Variants in PTN observed in about 807,000 individuals in gnomAD.
PTN encodes heparin affin regulatory protein.
PTN carries 18 observed loss-of-function variants against 24.1 expected under a neutral mutation model. The ratio of observed to expected loss-of-function variants is 0.75; its 90% confidence interval spans 0.52 to 1.11. The LOEUF (loss-of-function observed/expected upper bound fraction) is 1.11. Ranked by LOEUF, PTN falls within the 50% of genes least tolerant of loss-of-function variation. The probability of loss-of-function intolerance (pLI) is 0.00; values close to 1 mark genes in which losing one functional copy is unlikely to be tolerated. For synonymous variants in PTN, 78 were observed against 68.6 expected (o/e 1.14, Z -0.67); for missense variants, 163 against 198.8 (o/e 0.82, Z 1.08).
chr7:137,315,993 A>T (rs1810065433), intron 1 of PTN, among the ~76,000 whole-genome samples: 1 of 152,108 alleles, frequency 6.6e-6, no homozygotes, highest in Non-Finnish European at 1.5e-5. Context: ...TAAAACTCCA[A>T]AATACACAAC....
At chr7:137,310,757 G>A (rs868105524) in intron 1 of PTN, among the ~76,000 whole-genome samples, 3 of 152,084 alleles carry the variant, frequency 2.0e-5, no homozygotes, top group Non-Finnish European at 1.5e-5. Context: ...TAGTGTAGTC[G>A]CCTTTATCAA....
At chr7:137,309,475 CTCTT>C (rs1809945787) in intron 1 of PTN, among the ~76,000 whole-genome samples, 1 of 151,902 alleles carries the variant, frequency 6.6e-6, no homozygotes, top group Non-Finnish European at 1.5e-5. Flanking sequence ...CATCAATTCA[CTCTT>C]TCATGAATGA....
intron 1 of PTN, among the ~76,000 whole-genome samples, chr7:137,267,348 T>C (rs560331441): frequency 2.0e-5 from 3 of 152,104 alleles, no homozygotes; most frequent in African/African-American, 7.2e-5. Context: ...TCTGCTGGTC[T>C]TTCCTTGCCT....
chr7:137,286,998 G>A (rs1347034321), intron 1 of PTN, among the ~76,000 whole-genome samples: 1 of 152,144 alleles, frequency 6.6e-6, no homozygotes, highest in African/African-American at 2.4e-5. Context: ...CACACAGATA[G>A]TTAATACCAA....
At chr7:137,314,707 G>T (rs904362350) in intron 1 of PTN, among the ~76,000 whole-genome samples, 1 of 148,876 alleles carries the variant, frequency 6.7e-6, no homozygotes, top group Non-Finnish European at 1.5e-5. Flanking sequence ...CAATTTTCCT[G>T]CCTCAGCTTC....
intron 1 of PTN, among the ~76,000 whole-genome samples, chr7:137,342,953 A>G (rs1810559003): frequency 6.6e-6 from 1 of 152,104 alleles, no homozygotes; most frequent in African/African-American, 2.4e-5. Flanking sequence ...CCCACAGCTT[A>G]CCTAGAAATG....
Position 137,320,642 on chromosome 7 carries a change from T to A in PTN, c.-2+22797A>T, listed in dbSNP as rs191507175. ...TTAAAGCAAAATTTTGATTTTTTTT[T>A]AAAAAAGGATTCCAAATACGGAATA... On this transcript the variant is annotated intron_variant, in intron 1 of 4. Coordinates refer to ENST00000348225, the MANE Select transcript of PTN (RefSeq NM_002825.7). Among the ~76,000 whole-genome samples, 1,218 of 152,220 alleles carry A rather than the reference T, an allele frequency of 8.0e-3. 8 individuals carry two copies. Among genetic ancestry groups the A allele is most frequent in the African/African-American group, 0.02 (831 of 41,544 alleles).
At chr7:137,319,613 G>C (rs1008244960) in intron 1 of PTN, among the ~76,000 whole-genome samples, 2 of 152,176 alleles carry the variant, frequency 1.3e-5, no homozygotes, top group African/African-American at 4.8e-5. Flanking sequence ...CTCCCCTGTG[G>C]GGTTTTGTTT....
At chr7:137,265,216 A>C (rs1249196389) in intron 1 of PTN, among the ~76,000 whole-genome samples, 1 of 152,182 alleles carries the variant, frequency 6.6e-6, no homozygotes, top group Non-Finnish European at 1.5e-5. Flanking sequence ...TGGGACTCCA[A>C]CTGCGTCTAA....
chr7:137,241,711 TAA>T (rs961682180), intron 4 of PTN, among the ~76,000 whole-genome samples: 3 of 152,028 alleles, frequency 2.0e-5, no homozygotes, highest in Admixed American at 1.3e-4. Flanking sequence ...GGATGGAAAA[TAA>T]AACATAGGTG....
intron 1 of PTN, among the ~76,000 whole-genome samples, chr7:137,336,718 T>C (rs1345333555): frequency 1.3e-5 from 2 of 152,270 alleles, no homozygotes; most frequent in East Asian, 3.9e-4. Context: ...CAAGTGGGCA[T>C]GAGAAAGAAA....
intron 1 of PTN, among the ~76,000 whole-genome samples, chr7:137,264,967 C>A (rs866327114): frequency 4.1e-5 from 6 of 147,888 alleles, no homozygotes; most frequent in South Asian, 4.3e-4. Context: ...AAAACTCCAA[C>A]TGCCATTTTT....
At chr7:137,328,972 T>C (rs1810306856) in intron 1 of PTN, among the ~76,000 whole-genome samples, 1 of 152,108 alleles carries the variant, frequency 6.6e-6, no homozygotes, top group Admixed American at 6.5e-5. Context: ...ACCCTTGACA[T>C]TGAATAGGGG....
intron 1 of PTN, among the ~76,000 whole-genome samples, chr7:137,312,473 C>T (rs567574839): frequency 2.6e-5 from 4 of 152,352 alleles, no homozygotes; most frequent in South Asian, 4.1e-4. Context: ...TTATTCTGCC[C>T]GTTCACCTGA....
chr7:137,289,297 T>C (rs1463232720), intron 1 of PTN, among the ~76,000 whole-genome samples: 1 of 152,184 alleles, frequency 6.6e-6, no homozygotes, highest in Non-Finnish European at 1.5e-5. Context: ...GACTTTACAC[T>C]GGAGGGTTTC....
Position 137,239,427 on chromosome 7 carries a change from T to A in PTN, c.452-11352A>T, listed in dbSNP as rs184504803. 9.6e-3 allele frequency among the ~76,000 whole-genome samples: 1,442 copies of A among 149,906 alleles called. 10 individuals carry two copies. The highest frequency in any genetic ancestry group is 0.024 in the Middle Eastern group (7 of 292). On this transcript the variant is annotated intron_variant, in intron 4 of 4. Coordinates refer to ENST00000348225, the MANE Select transcript of PTN (RefSeq NM_002825.7). ...ATTTATTTATTATTATACTTTAAGT[T>A]TTAGGGTACATGTGCACAATGTGCA...
chr7:137,233,226 A>G (rs888846216), intron 4 of PTN, among the ~76,000 whole-genome samples: 5 of 151,950 alleles, frequency 3.3e-5, no homozygotes, highest in African/African-American at 1.2e-4. Flanking sequence ...TTTTGTTAGA[A>G]TCATACTAAG....
intron 1 of PTN, among the ~76,000 whole-genome samples, chr7:137,278,306 C>CAAAAAAAAAAAAAAAA (rs71176391): frequency 1.6e-5 from 1 of 62,844 alleles, no homozygotes; most frequent in East Asian, 4.9e-4. Context: ...GACTCCGTCT[C>CAAAAAAAAAAAAAAAA]AAAAAAAAAA....
chr7:137,272,061 T>A (rs1809284107), intron 1 of PTN, among the ~76,000 whole-genome samples: 1 of 152,228 alleles, frequency 6.6e-6, no homozygotes, highest in South Asian at 2.1e-4. Context: ...AATTTCCCTA[T>A]ACCAGCATGC....
Sources: gnomAD v4.1 joint callset for allele counts (sites outside exome capture counted in the v4.1 genomes callset) on GRCh38, gnomAD v4.1.1 for gene constraint, MANE v1.5 for transcripts, NCBI Gene and HGNC (gene_info 2026-07-23, HGNC 2026-07-21) for gene names.